The following CLVS1 variants were observed in gnomAD, a reference collection of about 807,000 sequenced individuals.
The protein encoded by CLVS1 is clavesin-1.
CLVS1 carries 10 observed loss-of-function variants against 33.1 expected under a neutral mutation model. The observed-to-expected ratio is 0.30, with a 90% CI of 0.19 to 0.51. The LOEUF is 0.51. CLVS1 is among the 20% of genes least tolerant of loss of function. The pLI, the probability that CLVS1 is intolerant of heterozygous loss-of-function variation, is 0.97. For synonymous variants in CLVS1, 163 were observed against 166.1 expected (o/e 0.98, Z 0.14); for missense variants, 343 against 433.4 (o/e 0.79, Z 1.85).
chr8:61,060,085 G>C (rs757537421), intron 1 of CLVS1, among the ~76,000 whole-genome samples: 1 of 152,144 alleles, frequency 6.6e-6, no homozygotes, highest in Non-Finnish European at 1.5e-5. Context: ...TTGGGCTGTA[G>C]CATGATAGAG....
At chr8:61,176,228 C>G (rs986750664) in intron 2 of CLVS1, among the ~76,000 whole-genome samples, 16 of 152,150 alleles carry the variant, frequency 1.1e-4, no homozygotes, top group African/African-American at 3.9e-4. Context: ...TGGGGTTGCC[C>G]TCTTATTGCT....
intron 1 of CLVS1, among the ~76,000 whole-genome samples, chr8:61,122,590 A>G (rs1234582915): frequency 1.3e-5 from 2 of 150,186 alleles, no homozygotes; most frequent in Non-Finnish European, 2.9e-5. Context: ...ACACACACAC[A>G]CACACACACA....
At chr8:61,046,996 A>C in the CLVS1 span, among the ~76,000 whole-genome samples, 2 of 152,032 alleles carry the variant, frequency 1.3e-5, no homozygotes, top group African/African-American at 4.8e-5. Context: ...TCTCCTGCCT[A>C]ATTGCCCTGG....
chr8:61,345,377 A>C (rs1334037626), intron 2 of CLVS1, among the ~76,000 whole-genome samples: 1 of 152,164 alleles, frequency 6.6e-6, no homozygotes, highest in Non-Finnish European at 1.5e-5. Flanking sequence ...TGACATTTTC[A>C]ATATTCAAGA....
At chr8:61,397,437 C>T (rs904997258) in intron 3 of CLVS1, among the ~76,000 whole-genome samples, 2 of 151,974 alleles carry the variant, frequency 1.3e-5, no homozygotes, top group African/African-American at 4.8e-5. Flanking sequence ...ATATAATTCC[C>T]TGGTAAGATC....
intron 2 of CLVS1, among the ~76,000 whole-genome samples, chr8:61,193,748 A>C (rs1349676303): frequency 6.6e-6 from 1 of 151,936 alleles, no homozygotes; most frequent in Non-Finnish European, 1.5e-5. Context: ...GAAATTCTAC[A>C]AGATACACCC....
intron 3 of CLVS1, among the ~76,000 whole-genome samples, chr8:61,378,611 T>C (rs73682280): frequency 6.6e-6 from 1 of 152,188 alleles, no homozygotes; most frequent in African/African-American, 2.4e-5. Flanking sequence ...CCTGGGGAGC[T>C]GAGCTGGGGT....
intron 3 of CLVS1, among the ~76,000 whole-genome samples, chr8:61,441,415 G>A (rs571021161): frequency 6.6e-6 from 1 of 152,282 alleles, no homozygotes; most frequent in East Asian, 1.9e-4. Context: ...AGTAGATGGA[G>A]GGAGTTCGTT....
At chr8:61,337,947 G>A (rs1811864322) in intron 2 of CLVS1, among the ~76,000 whole-genome samples, 1 of 152,142 alleles carries the variant, frequency 6.6e-6, no homozygotes, top group African/African-American at 2.4e-5. Flanking sequence ...CTATACAAAT[G>A]GTTAGTGGAA....
the CLVS1 span, among the ~76,000 whole-genome samples, chr8:61,050,474 T>A: frequency 1.3e-5 from 2 of 152,178 alleles, no homozygotes; most frequent in African/African-American, 4.8e-5. Context: ...CACCAATGAT[T>A]TGACTAGGAC....
the CLVS1 span, among the ~76,000 whole-genome samples, chr8:60,996,520 CT>C: frequency 1.3e-5 from 2 of 152,202 alleles, no homozygotes; most frequent in South Asian, 2.1e-4. Context: ...GGAAATTTCT[CT>C]TTTAGCTGGA....
chr8:61,258,222 T>C (rs1809127474), intron 2 of CLVS1, among the ~76,000 whole-genome samples: 1 of 152,204 alleles, frequency 6.6e-6, no homozygotes, highest in African/African-American at 2.4e-5. Context: ...GAACAAGAAA[T>C]GTATCTGCAG....
chr8:61,077,529 G>T (rs1437282881), intron 1 of CLVS1, among the ~76,000 whole-genome samples: 1 of 150,510 alleles, frequency 6.6e-6, no homozygotes, highest in Non-Finnish European at 1.5e-5. Context: ...AGGCTGGAGC[G>T]CAGTGGCGCG....
At chr8:61,324,675 A>G (rs566524224) in intron 2 of CLVS1, among the ~76,000 whole-genome samples, 1 of 152,234 alleles carries the variant, frequency 6.6e-6, no homozygotes, top group East Asian at 1.9e-4. Flanking sequence ...AATGGCTTTG[A>G]CAAAAATGTT....
intron 2 of CLVS1, among the ~76,000 whole-genome samples, chr8:61,231,626 A>G (rs1156693164): frequency 2.0e-5 from 3 of 152,196 alleles, no homozygotes; most frequent in Non-Finnish European, 2.9e-5. Flanking sequence ...TGTATTATTT[A>G]AGATATTATG....
chr8:61,307,679 A>G (rs1005005776), intron 2 of CLVS1, among the ~76,000 whole-genome samples: 1 of 152,080 alleles, frequency 6.6e-6, no homozygotes, highest in African/African-American at 2.4e-5. Flanking sequence ...TTTGCCTTTT[A>G]TTGCTAGATT....
At chr8:61,382,931 T>C (rs567641617) in intron 3 of CLVS1, among the ~76,000 whole-genome samples, 1 of 152,326 alleles carries the variant, frequency 6.6e-6, no homozygotes, top group South Asian at 2.1e-4. Context: ...CAGAGGTTTA[T>C]GGTGAAAATC....
chr8:61,321,591 C>A (rs992327916), intron 2 of CLVS1, among the ~76,000 whole-genome samples: 9 of 152,048 alleles, frequency 5.9e-5, no homozygotes, highest in African/African-American at 2.2e-4. Context: ...CAACATTTCC[C>A]ATATTGCTTC....
At chr8:61,182,799 A>T (rs1249524101) in intron 2 of CLVS1, among the ~76,000 whole-genome samples, 1 of 152,224 alleles carries the variant, frequency 6.6e-6, no homozygotes, top group Non-Finnish European at 1.5e-5. Flanking sequence ...ATTACCAGGT[A>T]TATACCCAAA....
Sources: gnomAD v4.1 joint callset for allele counts (sites outside exome capture counted in the v4.1 genomes callset) on GRCh38, gnomAD v4.1.1 for gene constraint, MANE v1.5 for transcripts, NCBI Gene and HGNC (gene_info 2026-07-23, HGNC 2026-07-21) for gene names.